The following ARHGAP26 variants were observed in gnomAD, a reference collection of about 807,000 sequenced individuals.
ARHGAP26 encodes rho GTPase-activating protein 26.
A neutral mutation model predicts 104.8 loss-of-function variants in ARHGAP26; 38 were observed. That is an observed-to-expected ratio of 0.36 (90% CI 0.28 to 0.48). The LOEUF (loss-of-function observed/expected upper bound fraction) is 0.48. Among genes scored for constraint, ARHGAP26 ranks in the 20% least tolerant of loss-of-function variants. The pLI is 0.99. For missense variants in ARHGAP26, 704 were observed against 947.9 expected (o/e 0.74, Z 3.38); for synonymous variants, 341 against 340.0 (o/e 1.00, Z -0.03).
chr5:143,100,133 G>A (rs1792999898), intron 17 of ARHGAP26, among the ~76,000 whole-genome samples: 1 of 152,188 alleles, frequency 6.6e-6, no homozygotes, highest in South Asian at 2.1e-4. Context: ...GGTGAGACTA[G>A]AGCAAATGGG....
At chr5:142,959,908 T>C (rs1769929664) in intron 11 of ARHGAP26, among the ~76,000 whole-genome samples, 1 of 152,180 alleles carries the variant, frequency 6.6e-6, no homozygotes, top group East Asian at 1.9e-4. Context: ...AACCCTACCA[T>C]GTGTGACACT....
intron 22 of ARHGAP26, among the ~76,000 whole-genome samples, chr5:143,220,990 T>A (rs77759354): frequency 9.2e-4 from 140 of 152,338 alleles, no homozygotes; most frequent in African/African-American, 3.3e-3. Context: ...AGGAAGGGAA[T>A]AGGGGAAAAT....
chr5:143,114,799 T>C (rs1425401224), intron 17 of ARHGAP26, among the ~76,000 whole-genome samples: 1 of 152,134 alleles, frequency 6.6e-6, no homozygotes, highest in Non-Finnish European at 1.5e-5. Context: ...CCCATGGGAT[T>C]GACCGTGACG....
chr5:143,024,419 A>G (rs1385279989), intron 12 of ARHGAP26, among the ~76,000 whole-genome samples: 2 of 152,104 alleles, frequency 1.3e-5, no homozygotes, highest in African/African-American at 4.8e-5. Context: ...CTGTACTGAC[A>G]GCAGGCTGCA....
At chr5:142,914,281 C>T (rs747882905) in intron 10 of ARHGAP26, among the ~76,000 whole-genome samples, 4 of 152,198 alleles carry the variant, frequency 2.6e-5, no homozygotes, top group East Asian at 1.9e-4. Flanking sequence ...ATGGAGACAG[C>T]GTGCCCCCTT....
chr5:142,783,344 G>A (rs539844775), intron 1 of ARHGAP26, among the ~76,000 whole-genome samples: 4 of 152,238 alleles, frequency 2.6e-5, no homozygotes, highest in African/African-American at 7.2e-5. Context: ...CATTGCCAGC[G>A]GATGTGGGGG....
chr5:143,142,251 G>A (rs1051999420), intron 19 of ARHGAP26, among the ~76,000 whole-genome samples: 4 of 143,858 alleles, frequency 2.8e-5, no homozygotes, highest in Middle Eastern at 3.8e-3. Flanking sequence ...TGATTCTCCC[G>A]CCTTAGCCTC....
chr5:142,997,254 C>T (rs1024717326), intron 11 of ARHGAP26, among the ~76,000 whole-genome samples: 1 of 152,078 alleles, frequency 6.6e-6, no homozygotes, highest in African/African-American at 2.4e-5. Context: ...AAAGTCAATA[C>T]TTGCAGAGTT....
intron 1 of ARHGAP26, chr5:142,771,168 T>TG (rs1385653401): frequency 5.4e-6 from 7 of 1,289,626 alleles, no homozygotes; most frequent in Non-Finnish European, 6.9e-6. Flanking sequence ...GGTGGTGCTC[T>TG]GGGGCAGCGC....
chr5:143,056,316 CTTTTTT>C (rs10672936), intron 16 of ARHGAP26, among the ~76,000 whole-genome samples: 2 of 80,098 alleles, frequency 2.5e-5, no homozygotes, highest in South Asian at 6.1e-4. Flanking sequence ...CTTCAGAAGT[CTTTTTT>C]TTTTTTTTTT....
chr5:143,100,811 C>G lies in ARHGAP26; in HGVS notation c.1539-20177C>G, dbSNP rs567140468. Among the ~76,000 whole-genome samples the G allele has an allele frequency of 4.4e-4, 67 of 152,310 alleles. 1 individual carries two copies. Among genetic ancestry groups the G allele is most frequent in the African/African-American group, 1.6e-3 (65 of 41,566 alleles). On this transcript the variant is annotated intron_variant, in intron 17 of 22. Coordinates refer to ENST00000645722, the MANE Select transcript of ARHGAP26 (RefSeq NM_001135608.3). ...TCCATTTTCTGGACTCAAATAGAGGCCATGCACGGTGGCTCATGCCTGTAA... is the reference window on the plus strand; with the variant it reads ...TCCATTTTCTGGACTCAAATAGAGGGCATGCACGGTGGCTCATGCCTGTAA...
At chr5:143,157,896 G>T (rs1191946786) in intron 20 of ARHGAP26, among the ~76,000 whole-genome samples, 2 of 152,180 alleles carry the variant, frequency 1.3e-5, no homozygotes, top group Admixed American at 6.5e-5. Flanking sequence ...CCTCAGCTCT[G>T]CCATTTCCTA....
intron 11 of ARHGAP26, among the ~76,000 whole-genome samples, chr5:143,012,403 G>A (rs968279679): frequency 1.0e-4 from 15 of 149,834 alleles, no homozygotes; most frequent in African/African-American, 2.4e-4. Context: ...GCCATTCTCC[G>A]TCATATTTCT....
At chr5:142,791,954 A>C (rs1383481011) in intron 1 of ARHGAP26, among the ~76,000 whole-genome samples, 1 of 152,022 alleles carries the variant, frequency 6.6e-6, no homozygotes, top group Non-Finnish European at 1.5e-5. Flanking sequence ...AAAAAAAAAA[A>C]AAAAAAAAGG....
At chr5:143,029,467 T>C (rs1357348626) in intron 12 of ARHGAP26, among the ~76,000 whole-genome samples, 1 of 141,666 alleles carries the variant, frequency 7.1e-6, no homozygotes, top group Non-Finnish European at 1.5e-5. Flanking sequence ...TGCAGTGGCA[T>C]GATCATAGCC....
At position 143,153,285 on chromosome 5, in the gene ARHGAP26, C is replaced by T. The variant is rs552931911; in HGVS notation, c.1988+5904C>T. Among the ~76,000 whole-genome samples the T allele has an allele frequency of 1.5e-3, 233 of 152,260 alleles. 2 individuals carry two copies. Among genetic ancestry groups the T allele is most frequent in the African/African-American group, 5.4e-3 (226 of 41,550 alleles). On this transcript the variant is annotated intron_variant, in intron 20 of 22. Coordinates refer to ENST00000645722, the MANE Select transcript of ARHGAP26 (RefSeq NM_001135608.3). Reference sequence around the variant, plus strand: ...AAACCCTAGGTTTTAGTTCTGGCATCGACATTGCCTGGCTGATGATACTGG... The same window carrying T: ...AAACCCTAGGTTTTAGTTCTGGCATTGACATTGCCTGGCTGATGATACTGG...
chr5:143,076,921 A>C (rs35548690), intron 17 of ARHGAP26, among the ~76,000 whole-genome samples: 94,953 of 151,800 alleles, frequency 0.63, 30,713 homozygotes, highest in Non-Finnish European at 0.72. Flanking sequence ...AAAGTTTTTA[A>C]CATTATAAGC....
chr5:142,949,254 A>AGAGT (rs1767915703), intron 11 of ARHGAP26, among the ~76,000 whole-genome samples: 1 of 136,598 alleles, frequency 7.3e-6, no homozygotes, highest in Non-Finnish European at 1.6e-5. Flanking sequence ...AGAGAGAGAG[A>AGAGT]GAGTTGAGAA....
chr5:142,892,316 CT>C (rs1441972182), intron 5 of ARHGAP26, among the ~76,000 whole-genome samples: 1 of 151,922 alleles, frequency 6.6e-6, no homozygotes, highest in Non-Finnish European at 1.5e-5. Context: ...ACAGTGGAGA[CT>C]GGTGGTTTCA....
Sources: gnomAD v4.1 joint callset for allele counts (sites outside exome capture counted in the v4.1 genomes callset) on GRCh38, gnomAD v4.1.1 for gene constraint, MANE v1.5 for transcripts, NCBI Gene and HGNC (gene_info 2026-07-23, HGNC 2026-07-21) for gene names.